PIGF: variants seen among roughly 807,000 people sequenced by gnomAD.
The protein encoded by PIGF is GPI ethanolamine phosphate transferase, stabilizing subunit.
In PIGF, 23 loss-of-function variants were observed where a neutral mutation model predicts 26.0. That is an observed-to-expected ratio of 0.88 (90% CI 0.64 to 1.25). PIGF has a LOEUF of 1.25. Ranked by LOEUF, PIGF falls within the 50% of genes most tolerant of loss-of-function variation. The pLI, the probability that PIGF is intolerant of heterozygous loss-of-function variation, is 0.00. For synonymous variants in PIGF, 93 were observed against 92.6 expected (o/e 1.00, Z -0.03); for missense variants, 278 against 249.9 (o/e 1.11, Z -0.76).
rs764343770 is a variant in PIGF at position 46,581,513 on chromosome 2, A to T, written c.625T>A (p.Trp209Arg). The change falls in exon 6 of 6, where the codon TGG becomes AGG. Residue 209 changes from tryptophan to arginine, a missense_variant. Coordinates refer to ENST00000281382, the MANE Select transcript of PIGF (RefSeq NM_002643.4). ...TTGTATGTAAGTTGCTTTCTATTCC[A>T]GTATATCCAGAGTGGTGAAATAACA... ...GLVISPLWIY[W>R]NRKQLTYKNN 1 of 1,611,576 alleles carries T rather than the reference A, an allele frequency of 6.2e-7. No homozygotes were observed. Among genetic ancestry groups the T allele is most frequent in the Non-Finnish European group, 8.5e-7 (1 of 1,179,556 alleles).
At position 46,615,195 on chromosome 2, in the gene PIGF, A is replaced by C. The variant is rs780057362; in HGVS notation, c.-21-10T>G. ...TTTCTTGGATGGCTAGCTAACAAAA[A>C]ACAAGAAAAGAAGAGCATATGCAAT... On this transcript the variant is annotated splice_polypyrimidine_tract_variant and intron_variant, in intron 1 of 5. Transcript: ENST00000281382. 1.8e-6 allele frequency: 2 copies of C among 1,102,712 alleles called. No homozygotes were observed. The highest frequency in any genetic ancestry group is 1.4e-6 in the Non-Finnish European group (1 of 726,050). The allele number at this position is 1,102,712 out of a possible 1,614,324, so 68.3% of individuals were successfully genotyped here.
At chr2:46,615,216 G>C in intron 1 of PIGF, 31 bp from the exon 2 acceptor site, 1 of 866,926 alleles carries the variant, frequency 1.2e-6, no homozygotes, top group Non-Finnish European at 1.9e-6. Flanking sequence ...AAGAGCATAT[G>C]CAATAACGAC....
Position 46,581,524 on chromosome 2 carries a change from A to T in PIGF, c.614T>A (p.Leu205His). ...TTGCTTTCTATTCCAGTATATCCAG[A>T]GTGGTGAAATAACAAGGCCAGCCAC... ...GYVAGLVISP[L>H]WIYWNRKQLT... The change falls in exon 6 of 6, where the codon CTC becomes CAC. Residue 205 changes from leucine (L) to histidine (H), a missense_variant. By Grantham distance (99) the Leu-to-His change is moderately conservative. Coordinates refer to ENST00000281382, the MANE Select transcript of PIGF (RefSeq NM_002643.4). 6.2e-7 allele frequency: 1 copy of T among 1,611,622 alleles called. No homozygotes were observed. Among genetic ancestry groups the T allele is most frequent in the Non-Finnish European group, 8.5e-7 (1 of 1,179,606 alleles).
rs778956437 is a variant in PIGF at position 46,592,467 on chromosome 2, A to G, written c.546+8T>C. On this transcript the variant is annotated splice_region_variant and intron_variant, in intron 5 of 5. Coordinates refer to ENST00000281382, the MANE Select transcript of PIGF (RefSeq NM_002643.4). ...TTTATTTTGTTGCTTTAAGTAACTG[A>G]AACCAACCTGCCATGGTCTTTCCCA... The G allele has an allele frequency of 8.1e-6, 12 of 1,485,646 alleles. No homozygotes were observed. In the East Asian group the frequency reaches 2.7e-4, roughly 34 times the overall value. The allele number at this position is 1,485,646 out of a possible 1,614,324, so 92.0% of individuals were successfully genotyped here. A position where few individuals can be genotyped will look rare whatever the true frequency, so the allele number is the denominator to read the frequency against.
chr2:46,604,693 T>A (rs1048112078), intron 4 of PIGF, among the ~76,000 whole-genome samples: 1 of 151,326 alleles, frequency 6.6e-6, no homozygotes, highest in African/African-American at 2.4e-5. Flanking sequence ...AGTAGAAGGA[T>A]GGTTACCACA....
At chr2:46,597,017 C>T (rs974082677) in intron 4 of PIGF, among the ~76,000 whole-genome samples, 1 of 152,142 alleles carries the variant, frequency 6.6e-6, no homozygotes, top group African/African-American at 2.4e-5. Context: ...AAGTAATTTT[C>T]ACATATTCCA....
At chr2:46,595,814 T>C (rs1669865297) in intron 4 of PIGF, among the ~76,000 whole-genome samples, 1 of 152,296 alleles carries the variant, frequency 6.6e-6, no homozygotes, top group South Asian at 2.1e-4. Flanking sequence ...TGAAATGGTA[T>C]CATGGTGATA....
At chr2:46,586,680 CTG>C (rs1669581925) in intron 5 of PIGF, among the ~76,000 whole-genome samples, 1 of 152,168 alleles carries the variant, frequency 6.6e-6, no homozygotes, top group Admixed American at 6.5e-5. Context: ...ATTTGCATGA[CTG>C]AGAGAGTTCA....
chr2:46,601,349 T>G (rs935350810), intron 4 of PIGF, among the ~76,000 whole-genome samples: 1 of 152,136 alleles, frequency 6.6e-6, no homozygotes, highest in African/African-American at 2.4e-5. Context: ...TTGACTCCAC[T>G]GGAATTCATT....
intron 4 of PIGF, among the ~76,000 whole-genome samples, chr2:46,607,692 T>C (rs1220603015): frequency 1.3e-5 from 2 of 151,772 alleles, no homozygotes; most frequent in African/African-American, 2.4e-5. Context: ...GCTGTGGAAA[T>C]TTCTTTTCTT....
At position 46,616,853 on chromosome 2, in the gene PIGF, G is replaced by A. The variant is rs1362699400; in HGVS notation, c.-22+117C>T. 12 of 309,136 alleles carry A rather than the reference G, an allele frequency of 3.9e-5. No homozygotes were observed. The Admixed American group carries it at 3.9e-4, about 10-fold the overall frequency. 19.1% of individuals were successfully genotyped at this position (309,136 alleles called of 1,614,324 possible). A position where few individuals can be genotyped will look rare whatever the true frequency, so the allele number is the denominator to read the frequency against. On this transcript the variant is annotated intron_variant, in intron 1 of 5. Transcript: ENST00000281382. ...CAGGGCACGCCGGAAGAGTGGCGCT[G>A]AGCTGACGGCGAGCGCCGGCGGGTC...
intron 5 of PIGF, chr2:46,591,905 A>T: frequency 1.5e-6 from 2 of 1,304,056 alleles, no homozygotes; most frequent in Non-Finnish European, 2.0e-6. Flanking sequence ...GCTGCTGCAA[A>T]AATTACCTTG....
intron 5 of PIGF, among the ~76,000 whole-genome samples, chr2:46,587,617 T>C (rs1415656564): frequency 6.6e-6 from 1 of 152,218 alleles, no homozygotes; most frequent in Non-Finnish European, 1.5e-5. Context: ...AATTTTCCTT[T>C]TTACCTTCGT....
intron 5 of PIGF, among the ~76,000 whole-genome samples, chr2:46,583,309 C>T: frequency 6.6e-6 from 1 of 152,140 alleles, no homozygotes; most frequent in East Asian, 1.9e-4. Context: ...GATTTGGTTT[C>T]CTCATTATAA....
chr2:46,595,333 G>A (rs547750297), intron 4 of PIGF, among the ~76,000 whole-genome samples: 6 of 152,094 alleles, frequency 3.9e-5, no homozygotes, highest in African/African-American at 1.2e-4. Flanking sequence ...TGCCTATTCT[G>A]GACATTTCAT....
chr2:46,591,299 T>TA (rs1669716013), intron 5 of PIGF: 1 of 152,550 alleles, frequency 6.6e-6, no homozygotes, highest in South Asian at 2.1e-4. Flanking sequence ...ATATTATAGT[T>TA]ACAGGCATGG....
intron 5 of PIGF, chr2:46,591,564 T>A: frequency 5.3e-6 from 5 of 939,546 alleles, no homozygotes; most frequent in Non-Finnish European, 6.3e-6. Flanking sequence ...TTCAAGAAGC[T>A]ATAGATTCAA....
chr2:46,591,634 T>C (rs1388665025), intron 5 of PIGF: 3 of 933,120 alleles, frequency 3.2e-6, no homozygotes, highest in Admixed American at 6.2e-5. Flanking sequence ...AAATGATCAA[T>C]AGTGAATTTG....
At position 46,598,729 on chromosome 2, in the gene PIGF, T is replaced by C. The variant is rs181557083; in HGVS notation, c.438-6146A>G. On this transcript the variant is annotated intron_variant, in intron 4 of 5. Coordinates refer to ENST00000281382, the MANE Select transcript of PIGF (RefSeq NM_002643.4). ...GCTAATAGTTATAGCTTCTTTTTGA[T>C]GTGGTGAAATGTCCCAAAATTAGAT... Among the ~76,000 whole-genome samples the C allele has an allele frequency of 1.9e-3, 282 of 152,186 alleles. 1 individual carries two copies. Among genetic ancestry groups the C allele is most frequent in the African/African-American group, 6.3e-3 (263 of 41,508 alleles).
Sources: gnomAD v4.1 joint callset for allele counts (sites outside exome capture counted in the v4.1 genomes callset) on GRCh38, gnomAD v4.1.1 for gene constraint, MANE v1.5 for transcripts, NCBI Gene and HGNC (gene_info 2026-07-23, HGNC 2026-07-21) for gene names.